WBP4: variants seen among roughly 807,000 people sequenced by gnomAD.
WBP4 encodes WW domain binding protein 4.
In WBP4, 37 loss-of-function variants were observed where a neutral mutation model predicts 55.4. The observed-to-expected ratio is 0.67, with a 90% CI of 0.51 to 0.88. The LOEUF (loss-of-function observed/expected upper bound fraction) is 0.88, where lower values mean the gene tolerates loss of function less well. Among genes scored for constraint, WBP4 ranks in the 40% least tolerant of loss-of-function variants. WBP4 has a pLI of 0.00. For synonymous variants in WBP4, 142 were observed against 140.2 expected (o/e 1.01, Z -0.09); for missense variants, 398 against 420.8 (o/e 0.95, Z 0.47).
Position 41,065,289 on chromosome 13 carries a change from T to TTAA in WBP4, c.262+2_262+3insTAA. 1 of 1,262,576 alleles carries TTAA rather than the reference T, an allele frequency of 7.9e-7. No homozygotes were observed. 78.2% of individuals were successfully genotyped at this position (1,262,576 alleles called of 1,614,324 possible). A position where few individuals can be genotyped will look rare whatever the true frequency, so the allele number is the denominator to read the frequency against. On this transcript the variant is annotated splice_region_variant and intron_variant, in intron 4 of 9. Transcript: ENST00000379487. The stretch of plus-strand genomic sequence containing the variant: ...TGAAAAGACTTGGCTTAGAGTCAGG[T>TTAA]AAAAAAAAAAAAAAAAAAAAAGCAG...
rs190878930 is a variant in WBP4, at chr13:41,068,961, C to G, written c.439+224C>G. On this transcript the variant is annotated intron_variant, in intron 5 of 9. Coordinates refer to ENST00000379487, the MANE Select transcript of WBP4 (RefSeq NM_007187.5). ...AGTCAAAGCCTTTGATAATGACTTT[C>G]TTACAAATAAACTATAGCTTTATAT... is the stretch of plus-strand genomic sequence containing the variant. 2.7e-3 allele frequency among the ~76,000 whole-genome samples: 415 copies of G among 152,268 alleles called. 2 individuals are homozygous for G. The highest frequency in any genetic ancestry group is 9.5e-3 in the African/African-American group (396 of 41,552).
intron 4 of WBP4, among the ~76,000 whole-genome samples, chr13:41,065,753 T>C (rs933139608): frequency 6.6e-6 from 1 of 152,204 alleles, no homozygotes; most frequent in Non-Finnish European, 1.5e-5. Context: ...ATTTTACTAG[T>C]AGAAGGCAGA....
At chr13:41,063,266 C>T (rs1312225780) in intron 2 of WBP4, among the ~76,000 whole-genome samples, 1 of 152,024 alleles carries the variant, frequency 6.6e-6, no homozygotes, top group Non-Finnish European at 1.5e-5. Context: ...AAAAGCACAC[C>T]GCTGATTTTT....
At chr13:41,077,874 TAAA>T (rs1287954156) in intron 8 of WBP4, among the ~76,000 whole-genome samples, 1 of 150,994 alleles carries the variant, frequency 6.6e-6, no homozygotes, top group African/African-American at 2.4e-5. Flanking sequence ...GAGAACCAAA[TAAA>T]AAACTCAATC....
intron 5 of WBP4, among the ~76,000 whole-genome samples, chr13:41,070,890 A>C (rs1878213020): frequency 6.6e-6 from 1 of 152,216 alleles, no homozygotes; most frequent in Non-Finnish European, 1.5e-5. Flanking sequence ...TATTATCATT[A>C]GGATCATAAT....
At chr13:41,065,854 A>C (rs1417697644) in intron 4 of WBP4, among the ~76,000 whole-genome samples, 1 of 152,160 alleles carries the variant, frequency 6.6e-6, no homozygotes, top group Non-Finnish European at 1.5e-5. Context: ...TAAACTGGGA[A>C]GGTTTTGTGA....
In WBP4 at chr13:41,061,695, C is replaced by T. The variant is rs1267586256; in HGVS notation, c.2+20C>T. 3.7e-6 allele frequency: 6 copies of T among 1,614,028 alleles called. No individual in the cohort carries two copies. The highest frequency in any genetic ancestry group is 5.1e-6 in the Non-Finnish European group (6 of 1,180,026). The stretch of plus-strand genomic sequence containing the variant: ...AGTCATGTGAGTTGGGTCTCAGGCC[C>T]TGAACAACGAGGTGTTGTTTCTCTG... On this transcript the variant is annotated intron_variant, in intron 1 of 9. Coordinates refer to ENST00000379487, the MANE Select transcript of WBP4 (RefSeq NM_007187.5).
intron 5 of WBP4, among the ~76,000 whole-genome samples, chr13:41,069,889 AAAAG>A (rs1395521566): frequency 1.3e-4 from 19 of 151,050 alleles, no homozygotes; most frequent in African/African-American, 4.1e-4. Context: ...AAAAAAAAAA[AAAAG>A]AAAAAAAAAA....
intron 9 of WBP4, among the ~76,000 whole-genome samples, 154 bp downstream of exon 9, chr13:41,080,963 G>T (rs937729245): frequency 6.6e-5 from 10 of 152,168 alleles, no homozygotes; most frequent in Admixed American, 3.3e-4. Flanking sequence ...ACTTTGGGAG[G>T]CTGAGGTGGG....
In WBP4 at chr13:41,061,551, G is replaced by T; in HGVS notation, c.-123G>T. 6.8e-7 allele frequency: 1 copy of T among 1,471,850 alleles called. No individual in the cohort carries two copies. The highest frequency in any genetic ancestry group is 2.3e-5 in the East Asian group (1 of 43,816). The allele number at this position is 1,471,850 out of a possible 1,614,324, so 91.2% of individuals were successfully genotyped here. A position where few individuals can be genotyped will look rare whatever the true frequency, so the allele number is the denominator to read the frequency against. ...AACGCTGGTCCCGGGGACTGAGTAA[G>T]GTGTCTGGATCGGAGGGAGGTTCGG... On this transcript the variant is annotated 5_prime_UTR_variant, in exon 1 of 10. In the 5' UTR this introduces an upstream ATG that the reference lacks. Transcript: ENST00000379487.
chr13:41,061,905 C>G (rs542847363), intron 1 of WBP4, among the ~76,000 whole-genome samples: 1 of 151,998 alleles, frequency 6.6e-6, no homozygotes, highest in South Asian at 2.1e-4. Context: ...AGGGGGAGGC[C>G]GGCGGCCGGT....
At chr13:41,080,185 G>T (rs539722298) in intron 8 of WBP4, among the ~76,000 whole-genome samples, 2 of 152,068 alleles carry the variant, frequency 1.3e-5, no homozygotes, top group Admixed American at 1.3e-4. Flanking sequence ...TAAGAAATAC[G>T]CATTTGTGCC....
At chr13:41,061,948 C>T (rs528196655) in intron 1 of WBP4, among the ~76,000 whole-genome samples, 10 of 152,006 alleles carry the variant, frequency 6.6e-5, no homozygotes, top group Non-Finnish European at 1.5e-4. Flanking sequence ...GCGGGTGAAG[C>T]GACGCAGTGC....
chr13:41,065,155 C>T lies in WBP4; in HGVS notation c.139-9C>T, dbSNP rs760695168. 9 of 1,608,886 alleles carry T rather than the reference C, an allele frequency of 5.6e-6. No homozygotes were observed. The highest frequency in any genetic ancestry group is 7.6e-6 in the Non-Finnish European group (9 of 1,178,640). On this transcript the variant is annotated splice_polypyrimidine_tract_variant and intron_variant, in intron 3 of 9. Transcript: ENST00000379487. Reference sequence around the variant, plus strand: ...ATCTCACTTTCACTGTTATGTATGTCTTACATAGATTAAACAGAAAAGCCT... The same window carrying T: ...ATCTCACTTTCACTGTTATGTATGTTTTACATAGATTAAACAGAAAAGCCT...
intron 6 of WBP4, 60 bp downstream of exon 6, chr13:41,071,633 GT>G: frequency 6.7e-7 from 1 of 1,493,196 alleles, no homozygotes; most frequent in Non-Finnish European, 9.1e-7. Flanking sequence ...CGTTTCTTAG[GT>G]TTTTGTAGAG....
intron 1 of WBP4, 90 bp from the exon 2 acceptor site, chr13:41,062,554 A>G (rs943770828): frequency 8.6e-7 from 1 of 1,167,682 alleles, no homozygotes; most frequent in African/African-American, 1.5e-5. Context: ...GCAGGGGCAT[A>G]TATTTCAAAC....
chr13:41,074,244 A>G (rs1878380354), intron 7 of WBP4, among the ~76,000 whole-genome samples: 1 of 152,198 alleles, frequency 6.6e-6, no homozygotes, highest in Non-Finnish European at 1.5e-5. Context: ...AAACTTTCAA[A>G]TTAATGTTTC....
Position 41,082,566 on chromosome 13 carries a change from A to G in WBP4, c.921-138A>G, listed in dbSNP as rs1055920377. 4 of 664,604 alleles carry G rather than the reference A, an allele frequency of 6.0e-6. No individual in the cohort carries two copies. In the Admixed American group the frequency reaches 1.2e-4, roughly 19 times the overall value. 41.2% of individuals were successfully genotyped at this position (664,604 alleles called of 1,614,324 possible). On this transcript the variant is annotated intron_variant, in intron 9 of 9. Transcript: ENST00000379487. ...TTCAGTATCTTAAATAATATTGTAA[A>G]GTCAGTATTTTAAAGTAGTTCCTAC...
At chr13:41,079,122 G>A (rs1261623122) in intron 8 of WBP4, among the ~76,000 whole-genome samples, 1 of 152,108 alleles carries the variant, frequency 6.6e-6, no homozygotes, top group Admixed American at 6.5e-5. Context: ...CAACTCCATT[G>A]AAAAGGGGGA....
Sources: gnomAD v4.1 joint callset for allele counts (sites outside exome capture counted in the v4.1 genomes callset) on GRCh38, gnomAD v4.1.1 for gene constraint, MANE v1.5 for transcripts, NCBI Gene and HGNC (gene_info 2026-07-23, HGNC 2026-07-21) for gene names.